Variants in ARID3B observed in about 807,000 individuals in gnomAD.
ARID3B encodes the protein AT-rich interaction domain 3B.
In ARID3B, 10 loss-of-function variants were observed where a neutral mutation model predicts 51.9. The observed-to-expected ratio is 0.19, with a 90% confidence interval of 0.12 to 0.33. The LOEUF is 0.33. Ranked by LOEUF, ARID3B falls within the 10% of genes least tolerant of loss-of-function variation. The pLI, the probability that ARID3B is intolerant of heterozygous loss-of-function variation, is 1.00. For missense variants in ARID3B, 483 were observed against 716.3 expected, an observed-to-expected ratio of 0.67 and a Z score of 3.72; for synonymous variants, 205 against 279.5, an observed-to-expected ratio of 0.73 and a Z score of 2.66.
At chr15:74,570,321 C>T (rs1200238213) in intron 2 of ARID3B, among the ~76,000 whole-genome samples, 2 of 152,098 alleles carry the variant, frequency 1.3e-5, no homozygotes, top group Non-Finnish European at 2.9e-5. Context: ...GTCACACTAG[C>T]GTGCTTGTTT....
intron 2 of ARID3B, among the ~76,000 whole-genome samples, chr15:74,569,168 G>A (rs1396387071): frequency 6.6e-6 from 1 of 152,102 alleles, no homozygotes; most frequent in African/African-American, 2.4e-5. Flanking sequence ...AATTGCATAA[G>A]TGAGCCATGT....
At chr15:74,544,615 A>G in intron 2 of ARID3B, 127 bp downstream of exon 2, 2 of 803,220 alleles carry the variant, frequency 2.5e-6, no homozygotes, top group South Asian at 2.1e-5. Flanking sequence ...AACAGCCTAG[A>G]CATGAATAGA....
At position 74,571,767 on chromosome 15, in the gene ARID3B, G is replaced by A. The variant is rs7170811; in HGVS notation, c.553-1095G>A. Among the ~76,000 whole-genome samples, 716 of 152,304 alleles carry A rather than the reference G, an allele frequency of 4.7e-3. 2 individuals carry two copies. Among genetic ancestry groups the A allele is most frequent in the African/African-American group, 0.017 (695 of 41,550 alleles). On this transcript the variant is annotated intron_variant, in intron 2 of 8. Coordinates refer to ENST00000346246, the MANE Select transcript of ARID3B (RefSeq NM_006465.4). ...AGAGATTGCTTTTAGAGGGTTGAAG[G>A]GAAGGCTTCCTGCTGAAGAGATAAC...
At chr15:74,565,034 TTAAA>T (rs1191256041) in intron 2 of ARID3B, among the ~76,000 whole-genome samples, 1 of 151,878 alleles carries the variant, frequency 6.6e-6, no homozygotes, top group African/African-American at 2.4e-5. Flanking sequence ...TCTTTTTTTT[TTAAA>T]TTAATTATTA....
intron 4 of ARID3B, among the ~76,000 whole-genome samples, chr15:74,585,066 C>T (rs2061775328): frequency 6.6e-6 from 1 of 152,162 alleles, no homozygotes; most frequent in Admixed American, 6.5e-5. Context: ...GATTAATTAC[C>T]CTCAATCCCA....
At chr15:74,545,479 T>A (rs2061612350) in intron 2 of ARID3B, among the ~76,000 whole-genome samples, 1 of 152,178 alleles carries the variant, frequency 6.6e-6, no homozygotes, top group Non-Finnish European at 1.5e-5. Flanking sequence ...GGGTGGAGCC[T>A]AGGGAATCTT....
chr15:74,593,224 A>C lies in ARID3B; in HGVS notation c.1507A>C (p.Thr503Pro), dbSNP rs923510554. The change falls in exon 8 of 9, where the codon ACC (threonine) becomes CCC (proline). Residue 503 changes from threonine to proline, a missense_variant. This residue lies in a region of ARID3B where 265 missense variants were observed against 354.4 expected (regional missense o/e 0.75). Coordinates refer to ENST00000346246, the MANE Select transcript of ARID3B (RefSeq NM_006465.4). Reference sequence around the variant, plus strand: ...TAACATGTCTGTGGACATCGATGGCACCACCTATGCAGGTGAGGCCCTGGA... The same window carrying C: ...TAACATGTCTGTGGACATCGATGGCCCCACCTATGCAGGTGAGGCCCTGGA... ...SINMSVDIDG[T>P]TYAGVLFAQK... 1 of 1,612,684 alleles carries C rather than the reference A, an allele frequency of 6.2e-7. No individual in the cohort carries two copies.
At chr15:74,588,725 C>T (rs1279308314) in intron 4 of ARID3B, among the ~76,000 whole-genome samples, 2 of 152,078 alleles carry the variant, frequency 1.3e-5, no homozygotes, top group South Asian at 2.1e-4. Context: ...TCACCATATC[C>T]CCTGGTGCTC....
chr15:74,595,639 C>G lies in ARID3B; in HGVS notation c.1548C>G (p.Val516=). Residue 516 remains valine, a synonymous_variant, in exon 9 of 9, where the codon GTC becomes GTG. Transcript: ENST00000346246. The stretch of plus-strand genomic sequence containing the variant: ...TGCTGTTTGCCCAGAAGCCTGTGGT[C>G]CACCTCATCACGGGGTCTGCTCCCC... ...AGVLFAQKPV[V]HLITGSAPQS... 6.2e-7 allele frequency: 1 copy of G among 1,612,994 alleles called. No homozygotes were observed. Among genetic ancestry groups the G allele is most frequent in the Non-Finnish European group, 8.5e-7 (1 of 1,179,366 alleles).
intron 4 of ARID3B, among the ~76,000 whole-genome samples, chr15:74,583,103 G>GGTGA (rs1440927304): frequency 6.6e-6 from 1 of 152,138 alleles, no homozygotes; most frequent in African/African-American, 2.4e-5. Context: ...GGGAGGCTGA[G>GGTGA]GTGAGAGAAG....
chr15:74,589,280 C>T (rs746082976), intron 4 of ARID3B, among the ~76,000 whole-genome samples: 9 of 151,878 alleles, frequency 5.9e-5, no homozygotes, highest in Non-Finnish European at 1.3e-4. Flanking sequence ...CTGCCCGCTT[C>T]GGCCTCCCAA....
intron 2 of ARID3B, among the ~76,000 whole-genome samples, chr15:74,552,487 G>A (rs1031534409): frequency 3.3e-5 from 5 of 149,616 alleles, no homozygotes; most frequent in African/African-American, 5.0e-5. Context: ...GAGCCACCAC[G>A]CCCAGCCTAT....
chr15:74,547,076 T>G (rs1372577548), intron 2 of ARID3B, among the ~76,000 whole-genome samples: 1 of 152,196 alleles, frequency 6.6e-6, no homozygotes, highest in African/African-American at 2.4e-5. Context: ...TTTATGAAAC[T>G]TAATGGAGTG....
intron 8 of ARID3B, 139 bp from the exon 9 acceptor site, chr15:74,595,472 C>A (rs893035479): frequency 1.4e-5 from 13 of 934,258 alleles, no homozygotes; most frequent in Non-Finnish European, 2.0e-5. Flanking sequence ...GCATTTGGAT[C>A]TTCTCCCATC....
At chr15:74,551,399 C>T (rs751702179) in intron 2 of ARID3B, among the ~76,000 whole-genome samples, 5 of 152,184 alleles carry the variant, frequency 3.3e-5, no homozygotes, top group Non-Finnish European at 7.3e-5. Flanking sequence ...GTGTATTGTT[C>T]TTTAGGTAGA....
intron 4 of ARID3B, among the ~76,000 whole-genome samples, chr15:74,578,465 G>A (rs761544890): frequency 6.6e-6 from 1 of 152,138 alleles, no homozygotes; most frequent in Non-Finnish European, 1.5e-5. Flanking sequence ...ATGAGCCACC[G>A]AGCCCGGCTG....
intron 1 of ARID3B, among the ~76,000 whole-genome samples, chr15:74,541,820 C>T (rs368722943): frequency 6.6e-6 from 1 of 151,908 alleles, no homozygotes; most frequent in East Asian, 1.9e-4. Context: ...GTCCGTTGTA[C>T]CCGGCTTGGT....
At chr15:74,557,596 T>C (rs915694173) in intron 2 of ARID3B, among the ~76,000 whole-genome samples, 1 of 152,186 alleles carries the variant, frequency 6.6e-6, no homozygotes, top group Non-Finnish European at 1.5e-5. Context: ...AGTGTCAGTC[T>C]GTTAATCTTT....
rs377744806 is a variant in ARID3B at position 74,552,877 on chromosome 15, A to G, written c.552+8389A>G. ...TGCTTCAAAGTTTTGGCAATTATGA[A>G]TAAAGCTATCATACACATCTGTATA... On this transcript the variant is annotated intron_variant, in intron 2 of 8. Coordinates refer to ENST00000346246, the MANE Select transcript of ARID3B (RefSeq NM_006465.4). Among the ~76,000 whole-genome samples, 8 of 152,240 alleles carry G rather than the reference A, an allele frequency of 5.3e-5. No individual in the cohort carries two copies. The East Asian group carries it at 7.7e-4, about 15-fold the overall frequency.
Sources: allele counts gnomAD v4.1 joint callset (sites outside exome capture counted in the v4.1 genomes callset), GRCh38; gene constraint gnomAD v4.1.1; regional missense constraint gnomAD v4.1.1; transcripts MANE v1.5; gene names NCBI Gene and HGNC (gene_info 2026-07-23, HGNC 2026-07-21).